The following RIPOR1 variants were observed in gnomAD, a reference collection of about 807,000 sequenced individuals.
RIPOR1 encodes RHO family interacting cell polarization regulator 1.
A neutral mutation model predicts 116.5 loss-of-function variants in RIPOR1; 58 were observed. That is an observed-to-expected ratio of 0.50 (90% CI 0.40 to 0.62). RIPOR1 has a LOEUF of 0.62. Among genes scored for constraint, RIPOR1 ranks in the 20% least tolerant of loss-of-function variants. RIPOR1 has a pLI of 0.00. For missense variants in RIPOR1, 1,372 were observed against 1,586.2 expected (o/e 0.86, Z 2.29); for synonymous variants, 605 against 650.0 (o/e 0.93, Z 1.05).
intron 1 of RIPOR1, among the ~76,000 whole-genome samples, chr16:67,533,493 C>T (rs961059405): frequency 2.6e-5 from 4 of 151,934 alleles, no homozygotes; most frequent in African/African-American, 9.7e-5. Context: ...AGAAAACCAG[C>T]GTATTGTCTC....
At chr16:67,532,486 A>G (rs1031157623) in intron 1 of RIPOR1, among the ~76,000 whole-genome samples, 13 of 152,082 alleles carry the variant, frequency 8.5e-5, no homozygotes, top group African/African-American at 3.1e-4. Flanking sequence ...AAAATTAGGT[A>G]TAGTGAGTCC....
At chr16:67,522,172 C>T (rs1295141744) in intron 1 of RIPOR1, among the ~76,000 whole-genome samples, 5 of 141,014 alleles carry the variant, frequency 3.5e-5, no homozygotes, top group East Asian at 2.2e-4. Flanking sequence ...AGACTACAGG[C>T]GTGTGCCACC....
Position 67,545,651 on chromosome 16 carries a change from C to T in RIPOR1, c.3191-13C>T. 6.5e-7 allele frequency: 1 copy of T among 1,542,936 alleles called. No homozygotes were observed. The highest frequency in any genetic ancestry group is 8.8e-7 in the Non-Finnish European group (1 of 1,137,440). ...CACCTTGCCCACCCACCCACCATAT[C>T]CCCTTTTTTCAGTGCTACTGGTGCG... On this transcript the variant is annotated splice_polypyrimidine_tract_variant and intron_variant, in intron 18 of 21. Transcript: ENST00000042381. This position sits in a 1 kb window ranked among gnomAD's most constrained non-coding sequence, Gnocchi z 4.8.
rs1247177652 is a variant in RIPOR1 at position 67,544,669 on chromosome 16, G to A, written c.2734-26G>A. On this transcript the variant is annotated intron_variant, in intron 15 of 21. Coordinates refer to ENST00000042381, the MANE Select transcript of RIPOR1 (RefSeq NM_024519.4). This position sits in a 1 kb window ranked among gnomAD's most constrained non-coding sequence, Gnocchi z 5.1. Reference sequence around the variant, plus strand: ...TCCCGAGCCCTACCCTGAGGCCTGAGCTACTTGGCCACCCATGTTCTCCAG... The same window carrying A: ...TCCCGAGCCCTACCCTGAGGCCTGAACTACTTGGCCACCCATGTTCTCCAG... 2 of 1,611,320 alleles carry A rather than the reference G, an allele frequency of 1.2e-6. No homozygotes were observed. The highest frequency in any genetic ancestry group is 1.7e-6 in the Non-Finnish European group (2 of 1,179,964).
In RIPOR1 at chr16:67,529,612, C is replaced by G; in HGVS notation, c.-24+698C>G. On this transcript the variant is annotated intron_variant, in intron 1 of 21. Coordinates refer to ENST00000042381, the MANE Select transcript of RIPOR1 (RefSeq NM_024519.4). This position sits in a 1 kb window ranked among gnomAD's most constrained non-coding sequence, Gnocchi z 4.1. ...CTAGAGGTCGGATTCAGTCCAGATT[C>G]AGCACCCTTTGTCCTCCTCTCCAGG... 1 of 678,872 alleles carries G rather than the reference C, an allele frequency of 1.5e-6. No individual in the cohort carries two copies. Among genetic ancestry groups the G allele is most frequent in the Non-Finnish European group, 2.5e-6 (1 of 407,632 alleles). The allele number at this position is 678,872 out of a possible 1,614,324, so 42.1% of individuals were successfully genotyped here.
rs771512410 is a variant in RIPOR1, at chr16:67,543,443, T to G, written c.2574T>G (p.Asp858Glu). Reference protein sequence around the residue: ...ESFSFLNEDEDEDNDVPGDRP... With the variant: ...ESFSFLNEDEEEDNDVPGDRP... Reference sequence around the variant, plus strand: ...TCAGCTTCCTCAATGAAGACGAAGATGAAGACAATGATGTTCCTGGGGACA... The same window carrying G: ...TCAGCTTCCTCAATGAAGACGAAGAGGAAGACAATGATGTTCCTGGGGACA... Residue 858 changes from aspartate (D) to glutamate (E), a missense_variant, in exon 14 of 22, where the codon GAT (aspartate) becomes GAG (glutamate). Transcript: ENST00000042381. This position sits in a 1 kb window ranked among gnomAD's most constrained non-coding sequence, Gnocchi z 4.7. 8.4e-6 allele frequency: 13 copies of G among 1,556,254 alleles called. No homozygotes were observed. The highest frequency in any genetic ancestry group is 1.0e-5 in the Non-Finnish European group (12 of 1,149,538).
At position 67,529,743 on chromosome 16, in the gene RIPOR1, A is replaced by C. The variant is rs2142416685; in HGVS notation, c.-24+829A>C. 1 of 1,533,426 alleles carries C rather than the reference A, an allele frequency of 6.5e-7. No individual in the cohort carries two copies. The highest frequency in any genetic ancestry group is 8.7e-7 in the Non-Finnish European group (1 of 1,146,160). 95.0% of individuals were successfully genotyped at this position (1,533,426 alleles called of 1,614,324 possible). On this transcript the variant is annotated intron_variant, in intron 1 of 21. Transcript: ENST00000042381. This position sits in a 1 kb window ranked among gnomAD's most constrained non-coding sequence, Gnocchi z 4.1. Reference sequence around the variant, plus strand: ...ACTGTGCGCAGCCTCGTGTAACAATACTTGTGCCCTGGCTGCAGTCTGCGG... The same window carrying C: ...ACTGTGCGCAGCCTCGTGTAACAATCCTTGTGCCCTGGCTGCAGTCTGCGG...
chr16:67,520,421 AAG>A (rs1401854592), intron 1 of RIPOR1, among the ~76,000 whole-genome samples: 1 of 150,012 alleles, frequency 6.7e-6, no homozygotes, highest in Non-Finnish European at 1.5e-5. Context: ...AGGGATGGAA[AAG>A]AGAGAAGAGA....
At chr16:67,538,306 C>A in intron 1 of RIPOR1, 118 bp from the exon 2 acceptor site, 1 of 1,366,584 alleles carries the variant, frequency 7.3e-7, no homozygotes, top group Non-Finnish European at 9.8e-7. Context: ...CCGGCCGGAG[C>A]CCGCTGGGGC....
Position 67,537,869 on chromosome 16 carries a change from G to A in RIPOR1, c.-23-555G>A, listed in dbSNP as rs1370471709. Among the ~76,000 whole-genome samples, 1 of 152,162 alleles carries A rather than the reference G, an allele frequency of 6.6e-6. No individual in the cohort carries two copies. The highest frequency in any genetic ancestry group is 2.4e-5 in the African/African-American group (1 of 41,546). On this transcript the variant is annotated intron_variant, in intron 1 of 21. Coordinates refer to ENST00000042381, the MANE Select transcript of RIPOR1 (RefSeq NM_024519.4). This position sits in a 1 kb window ranked among gnomAD's most constrained non-coding sequence, Gnocchi z 4.6. ...GCGCCGGGACGCCCGGGCCGGTGGG[G>A]GCTGGGGGCAGCAGGTCACGCTGGC...
At chr16:67,522,556 C>G (rs954672566) in intron 1 of RIPOR1, among the ~76,000 whole-genome samples, 1 of 151,966 alleles carries the variant, frequency 6.6e-6, no homozygotes, top group Non-Finnish European at 1.5e-5. Flanking sequence ...AGGATGGTCT[C>G]GATCTCTTGA....
chr16:67,533,649 G>A (rs2050718462), intron 1 of RIPOR1, among the ~76,000 whole-genome samples: 1 of 152,030 alleles, frequency 6.6e-6, no homozygotes, highest in Admixed American at 6.6e-5. Flanking sequence ...CCAGTGGTGG[G>A]TACAGAAACT....
At position 67,542,114 on chromosome 16, in the gene RIPOR1, C is replaced by T; in HGVS notation, c.1328C>T (p.Pro443Leu). Residue 443 changes from proline (P) to leucine (L), a missense_variant, in exon 13 of 22, where the codon CCC becomes CTC. Around this residue, in one of 3 missense-constraint regions of RIPOR1, gnomAD observed 1,005 missense variants for 1,144.7 expected, o/e 0.88. Transcript: ENST00000042381. This position sits in a 1 kb window ranked among gnomAD's most constrained non-coding sequence, Gnocchi z 4.6. Reference protein sequence around the residue: ...VAPVLANGHAPYSRTLSHISE... With the variant: ...VAPVLANGHALYSRTLSHISE... ...CCAGTCCTGGCAAATGGGCATGCACCCTACAGTCGGACTCTGAGCCACATC... is the reference window on the plus strand; with the variant it reads ...CCAGTCCTGGCAAATGGGCATGCACTCTACAGTCGGACTCTGAGCCACATC... The T allele has an allele frequency of 6.2e-7, 1 of 1,613,096 alleles. No homozygotes were observed. The highest frequency in any genetic ancestry group is 8.5e-7 in the Non-Finnish European group (1 of 1,179,238).
intron 1 of RIPOR1, among the ~76,000 whole-genome samples, chr16:67,536,029 T>C (rs899019181): frequency 6.6e-6 from 1 of 152,058 alleles, no homozygotes; most frequent in African/African-American, 2.4e-5. Context: ...AAGCACAGTA[T>C]GGGAGAACTG....
At chr16:67,526,924 G>A (rs1188221632), upstream of RIPOR1, among the ~76,000 whole-genome samples, 2 of 152,210 alleles carry the variant, frequency 1.3e-5, no homozygotes, top group African/African-American at 4.8e-5. Context: ...TGCTTTGTAG[G>A]GATGGGGACA....
chr16:67,542,000 A>G lies in RIPOR1; in HGVS notation c.1214A>G (p.Gln405Arg). ...TCACCAGCCCCTAGGCCCCTGGTGC[A>G]GCAGCCCGAGCCCCTTCCCATCCAA... ...RHSPAPRPLV[Q>R]QPEPLPIQVA... is the part of the protein sequence containing the mutation. The change falls in exon 13 of 22, where the codon CAG becomes CGG. Residue 405 changes from glutamine to arginine, a missense_variant. Gln to Arg is a conservative substitution (Grantham distance 43, BLOSUM62 1). Transcript: ENST00000042381. This position sits in a 1 kb window ranked among gnomAD's most constrained non-coding sequence, Gnocchi z 4.6. 6.2e-7 allele frequency: 1 copy of G among 1,611,740 alleles called. No individual in the cohort carries two copies. Among genetic ancestry groups the G allele is most frequent in the African/African-American group, 1.3e-5 (1 of 75,004 alleles).
Position 67,543,547 on chromosome 16 carries a change from G to A in RIPOR1, c.2600+78G>A, listed in dbSNP as rs1597654184. 3 of 1,529,932 alleles carry A rather than the reference G, an allele frequency of 2.0e-6. No homozygotes were observed. The Middle Eastern group carries it at 5.3e-4, about 271-fold the overall frequency. The allele number at this position is 1,529,932 out of a possible 1,614,324, so 94.8% of individuals were successfully genotyped here. On this transcript the variant is annotated intron_variant, in intron 14 of 21. Coordinates refer to ENST00000042381, the MANE Select transcript of RIPOR1 (RefSeq NM_024519.4). The surrounding 1 kb of genome is among the most constrained non-coding windows in gnomAD (Gnocchi z 4.7). ...GGCAGGACCAGGGGAAGGTGGAACA[G>A]GTGAATTGGGAGAAAGTCAAAGGAC... is the stretch of plus-strand genomic sequence containing the variant.
At position 67,546,478 on chromosome 16, in the gene RIPOR1, G is replaced by A. The variant is rs760697045; in HGVS notation, c.*15G>A. 7 of 1,605,922 alleles carry A rather than the reference G, an allele frequency of 4.4e-6. No individual in the cohort carries two copies. Among genetic ancestry groups the A allele is most frequent in the Non-Finnish European group, 5.1e-6 (6 of 1,173,356 alleles). On this transcript the variant is annotated 3_prime_UTR_variant, in exon 22 of 22. Transcript: ENST00000042381. ...CAGCATTCTAAACTATTCACCCATGGGTTCCTGGTGCCCCTTTCCCCCCAC... is the reference window on the plus strand; with the variant it reads ...CAGCATTCTAAACTATTCACCCATGAGTTCCTGGTGCCCCTTTCCCCCCAC...
rs373968604 is a variant in RIPOR1 at position 67,544,705 on chromosome 16, C to A, written c.2744C>A (p.Thr915Lys). 13 of 1,613,204 alleles carry A rather than the reference C, an allele frequency of 8.1e-6. No individual in the cohort carries two copies. Among genetic ancestry groups the A allele is most frequent in the Non-Finnish European group, 1.0e-5 (12 of 1,180,000 alleles). ...ACCCATGTTCTCCAGAAACTGGGCA[C>A]ATTTGGGCCCCTGCGCTGCCAGGAG... ...HCSRLLLKLG[T>K]FGPLRCQEAW... The change falls in exon 16 of 22, where the codon ACA (threonine) becomes AAA (lysine). Residue 915 changes from threonine (T) to lysine (K), a missense_variant. Physicochemically the swap from Thr to Lys is moderately conservative, Grantham distance 78 (BLOSUM62 -1). This residue lies in a region of RIPOR1 where 1,005 missense variants were observed against 1,144.7 expected (regional missense o/e 0.88). Transcript: ENST00000042381. This position sits in a 1 kb window ranked among gnomAD's most constrained non-coding sequence, Gnocchi z 5.1.
Sources: gnomAD v4.1 joint callset for allele counts (sites outside exome capture counted in the v4.1 genomes callset) on GRCh38, gnomAD v4.1.1 for gene constraint, gnomAD v4.1.1 regional missense constraint, Gnocchi (gnomAD v3.1) non-coding constraint, MANE v1.5 for transcripts, NCBI Gene and HGNC (gene_info 2026-07-23, HGNC 2026-07-21) for gene names.